ETV6: variants seen among roughly 807,000 people sequenced by gnomAD.
ETV6 encodes ETS variant transcription factor 6, also known as transcription factor ETV6.
A neutral mutation model predicts 51.1 loss-of-function variants in ETV6; 16 were observed. The observed-to-expected ratio is 0.31, with a 90% CI of 0.21 to 0.48. ETV6 has a LOEUF of 0.48. Among genes scored for constraint, ETV6 ranks in the 20% least tolerant of loss-of-function variants. The pLI, the probability that ETV6 is intolerant of heterozygous loss-of-function variation, is 0.99. For missense variants in ETV6, 458 were observed against 594.8 expected, an observed-to-expected ratio of 0.77 and a Z score of 2.39; for synonymous variants, 240 against 224.1, an observed-to-expected ratio of 1.07 and a Z score of -0.64.
chr12:11,699,599 T>C (rs1257103348), intron 1 of ETV6, among the ~76,000 whole-genome samples: 1 of 152,048 alleles, frequency 6.6e-6, no homozygotes, highest in African/African-American at 2.4e-5. Context: ...TATATATAAA[T>C]ACAGAGGAGA....
In ETV6 at chr12:11,894,224, G is replaced by C. The variant is rs1192662111; in HGVS notation, c.*3178G>C. On this transcript the variant is annotated 3_prime_UTR_variant, in exon 8 of 8. Coordinates refer to ENST00000396373, the MANE Select transcript of ETV6 (RefSeq NM_001987.5). ...CTCATTTCAACACTAAGTACTAGGG[G>C]TGTTGTCAGGAGACAAATCTGAAGT... 2 of 232,470 alleles carry C rather than the reference G, an allele frequency of 8.6e-6. No individual in the cohort carries two copies. The highest frequency in any genetic ancestry group is 1.2e-4 in the East Asian group (2 of 16,498). The allele number at this position is 232,470 out of a possible 1,614,324, so 14.4% of individuals were successfully genotyped here. A position where few individuals can be genotyped will look rare whatever the true frequency, so the allele number is the denominator to read the frequency against.
chr12:11,778,969 C>T (rs907993557), intron 2 of ETV6, among the ~76,000 whole-genome samples: 1 of 152,198 alleles, frequency 6.6e-6, no homozygotes, highest in Non-Finnish European at 1.5e-5. Context: ...TATTTTATCT[C>T]GCAAACAACC....
chr12:11,870,448 G>T (rs954094380), intron 5 of ETV6, among the ~76,000 whole-genome samples: 43 of 152,218 alleles, frequency 2.8e-4, no homozygotes, highest in African/African-American at 1.0e-3. Context: ...TGGTATTGGA[G>T]GCAGGTGTTG....
At chr12:11,735,436 G>GT (rs1201342057) in intron 1 of ETV6, among the ~76,000 whole-genome samples, 1 of 152,146 alleles carries the variant, frequency 6.6e-6, no homozygotes, top group East Asian at 1.9e-4. Flanking sequence ...AAACATCCAC[G>GT]TAAGTGTTGT....
intron 2 of ETV6, among the ~76,000 whole-genome samples, chr12:11,794,354 C>T (rs910001670): frequency 1.1e-4 from 16 of 152,142 alleles, no homozygotes; most frequent in African/African-American, 2.9e-4. Context: ...CATTCTGGTC[C>T]GTGATCTTAG....
chr12:11,828,065 C>CA (rs1946185149), intron 2 of ETV6, among the ~76,000 whole-genome samples: 1 of 151,752 alleles, frequency 6.6e-6, no homozygotes. Flanking sequence ...TATTTTCCTA[C>CA]TTTTTTTTTC....
intron 3 of ETV6, among the ~76,000 whole-genome samples, chr12:11,844,871 C>T (rs1010694846): frequency 6.6e-6 from 1 of 151,136 alleles, no homozygotes; most frequent in African/African-American, 2.4e-5. Context: ...CTCGCTCTGT[C>T]GCCAGGCTGG....
At chr12:11,676,689 T>A (rs1371008360) in intron 1 of ETV6, among the ~76,000 whole-genome samples, 1 of 152,242 alleles carries the variant, frequency 6.6e-6, no homozygotes. Context: ...TTGAAACTTC[T>A]ATCACATCAC....
intron 3 of ETV6, among the ~76,000 whole-genome samples, chr12:11,841,603 A>G (rs958303080): frequency 6.6e-6 from 1 of 152,238 alleles, no homozygotes; most frequent in Non-Finnish European, 1.5e-5. Context: ...GGCAATAGAA[A>G]TTCATTCCAT....
chr12:11,702,079 G>A (rs745777036), intron 1 of ETV6, among the ~76,000 whole-genome samples: 13 of 152,176 alleles, frequency 8.5e-5, no homozygotes, highest in African/African-American at 2.9e-4. Context: ...GACTGACCCC[G>A]TTCGATCTGT....
intron 7 of ETV6, among the ~76,000 whole-genome samples, chr12:11,887,562 A>G (rs1947214220): frequency 6.6e-6 from 1 of 152,084 alleles, no homozygotes; most frequent in African/African-American, 2.4e-5. Flanking sequence ...ATCCTGGCCA[A>G]CATGGTGAAA....
At chr12:11,745,291 C>T (rs1032975125) in intron 1 of ETV6, among the ~76,000 whole-genome samples, 52 of 152,314 alleles carry the variant, frequency 3.4e-4, no homozygotes, top group African/African-American at 1.2e-3. Context: ...AGTGCAAGCA[C>T]GTGTTTTAGA....
intron 1 of ETV6, among the ~76,000 whole-genome samples, chr12:11,668,389 C>T (rs940924333): frequency 1.3e-5 from 2 of 149,366 alleles, no homozygotes; most frequent in African/African-American, 2.6e-5. Context: ...TAAAGGACTT[C>T]GCACTGTTTT....
intron 1 of ETV6, among the ~76,000 whole-genome samples, chr12:11,684,815 T>TA (rs1266357099): frequency 6.6e-6 from 1 of 152,202 alleles, no homozygotes. Context: ...GGGCTGAAGA[T>TA]ACAACCCATA....
intron 2 of ETV6, among the ~76,000 whole-genome samples, chr12:11,795,137 C>T (rs898707175): frequency 6.6e-6 from 1 of 152,216 alleles, no homozygotes; most frequent in Non-Finnish European, 1.5e-5. Flanking sequence ...TGGATCTGTG[C>T]CTTACTTTTA....
chr12:11,790,385 C>T (rs928429274), intron 2 of ETV6, among the ~76,000 whole-genome samples: 9 of 152,132 alleles, frequency 5.9e-5, no homozygotes, highest in South Asian at 2.1e-4. Context: ...GCAAGTTCTC[C>T]GTGCCTGGGT....
intron 1 of ETV6, among the ~76,000 whole-genome samples, chr12:11,658,462 C>T (rs1392287240): frequency 3.3e-5 from 5 of 152,288 alleles, no homozygotes; most frequent in South Asian, 2.1e-4. Flanking sequence ...CTCAAACTCC[C>T]GACTTCAATT....
At chr12:11,800,996 C>T (rs1230789561) in intron 2 of ETV6, among the ~76,000 whole-genome samples, 5 of 152,126 alleles carry the variant, frequency 3.3e-5, no homozygotes, top group Admixed American at 1.3e-4. Flanking sequence ...AGGTTTAGTC[C>T]GCCCTCCAAA....
chr12:11,812,319 T>C (rs567951714), intron 2 of ETV6, among the ~76,000 whole-genome samples: 5 of 152,306 alleles, frequency 3.3e-5, no homozygotes, highest in East Asian at 1.9e-4. Context: ...CTGTACTATG[T>C]GCTGTTACAC....
Sources: allele counts gnomAD v4.1 joint callset (sites outside exome capture counted in the v4.1 genomes callset), GRCh38; gene constraint gnomAD v4.1.1; transcripts MANE v1.5; gene names NCBI Gene and HGNC (gene_info 2026-07-23, HGNC 2026-07-21).